TRABD2B: variants seen among roughly 807,000 people sequenced by gnomAD.
TRABD2B encodes metalloprotease TIKI2.
Under a neutral mutation model 40.1 loss-of-function variants are expected in TRABD2B, and 14 were observed. The observed-to-expected ratio is 0.35, with a 90% confidence interval of 0.23 to 0.55. The LOEUF is 0.55. TRABD2B is among the 20% of genes least tolerant of loss of function. The pLI is 0.90. For missense variants in TRABD2B, 541 were observed against 648.6 expected (o/e 0.83, Z 1.80); for synonymous variants, 263 against 277.0 (o/e 0.95, Z 0.50).
At chr1:47,887,304 G>A (rs902925182) in intron 2 of TRABD2B, among the ~76,000 whole-genome samples, 3 of 152,080 alleles carry the variant, frequency 2.0e-5, no homozygotes, top group Non-Finnish European at 2.9e-5. Context: ...TGGAGAACTG[G>A]AATTCCATAT....
chr1:47,844,967 G>A (rs1468845332), intron 2 of TRABD2B, among the ~76,000 whole-genome samples: 1 of 152,060 alleles, frequency 6.6e-6, no homozygotes, highest in Non-Finnish European at 1.5e-5. Context: ...CCTCCCCCAG[G>A]GCAGGAGATC....
chr1:47,802,197 T>C (rs1320325203), intron 2 of TRABD2B, among the ~76,000 whole-genome samples: 1 of 152,228 alleles, frequency 6.6e-6, no homozygotes, highest in Non-Finnish European at 1.5e-5. Context: ...ACCGTGCCTG[T>C]GCCCAGCCAG....
chr1:47,940,807 C>A (rs1032397040), intron 2 of TRABD2B, among the ~76,000 whole-genome samples: 4 of 152,238 alleles, frequency 2.6e-5, no homozygotes, highest in African/African-American at 9.6e-5. Flanking sequence ...GAAATAAAGG[C>A]AGCAGTGTGG....
chr1:47,884,662 G>A (rs952931645), intron 2 of TRABD2B, among the ~76,000 whole-genome samples: 2 of 152,038 alleles, frequency 1.3e-5, no homozygotes, highest in African/African-American at 4.8e-5. Context: ...CGCCCAGGCT[G>A]GAGTGCAGTG....
intron 2 of TRABD2B, among the ~76,000 whole-genome samples, chr1:47,898,198 G>A (rs1253618215): frequency 6.6e-6 from 1 of 152,184 alleles, no homozygotes; most frequent in Non-Finnish European, 1.5e-5. Flanking sequence ...TCAAGCAGGG[G>A]CTACGAAGGC....
intron 2 of TRABD2B, among the ~76,000 whole-genome samples, chr1:47,929,187 C>T (rs955505955): frequency 6.6e-6 from 1 of 152,188 alleles, no homozygotes; most frequent in Non-Finnish European, 1.5e-5. Context: ...AAGCAAGGCA[C>T]CTGGAGCACA....
intron 2 of TRABD2B, among the ~76,000 whole-genome samples, chr1:47,839,130 T>C (rs1417315656): frequency 6.6e-6 from 1 of 152,112 alleles, no homozygotes; most frequent in Non-Finnish European, 1.5e-5. Context: ...GGTGAGATCA[T>C]GGATGCCAGT....
chr1:47,979,007 A>G (rs2184223), intron 2 of TRABD2B, among the ~76,000 whole-genome samples: 149,540 of 152,088 alleles, frequency 0.98, 73,540 homozygotes, highest in East Asian at 1. Context: ...GCCCCTTTGG[A>G]AATGGAGGAT....
At chr1:47,859,189 C>A (rs1300404028) in intron 2 of TRABD2B, among the ~76,000 whole-genome samples, 1 of 152,198 alleles carries the variant, frequency 6.6e-6, no homozygotes, top group African/African-American at 2.4e-5. Context: ...AGCTTTGCAG[C>A]CCTGACCCTT....
intron 2 of TRABD2B, among the ~76,000 whole-genome samples, chr1:47,953,036 A>T (rs961321935): frequency 6.6e-6 from 1 of 152,028 alleles, no homozygotes; most frequent in African/African-American, 2.4e-5. Flanking sequence ...CCATGGGGCA[A>T]CTCAGCAATC....
chr1:47,984,584 A>C (rs1170236908), intron 2 of TRABD2B, among the ~76,000 whole-genome samples: 1 of 152,210 alleles, frequency 6.6e-6, no homozygotes, highest in Non-Finnish European at 1.5e-5. Flanking sequence ...GTAGCAGTCC[A>C]TGCAGAGAGC....
chr1:47,927,026 C>T (rs533436330), intron 2 of TRABD2B, among the ~76,000 whole-genome samples: 2 of 152,272 alleles, frequency 1.3e-5, no homozygotes, highest in African/African-American at 2.4e-5. Context: ...GATTGTATGA[C>T]GCAGGCCAAG....
intron 2 of TRABD2B, among the ~76,000 whole-genome samples, chr1:47,879,060 A>G (rs1216471105): frequency 6.6e-6 from 1 of 151,538 alleles, no homozygotes; most frequent in Non-Finnish European, 1.5e-5. Context: ...AGCTGTGCTT[A>G]TGCCACCACA....
chr1:47,845,494 C>T (rs757034764), intron 2 of TRABD2B, among the ~76,000 whole-genome samples: 5 of 152,134 alleles, frequency 3.3e-5, no homozygotes, highest in Non-Finnish European at 4.4e-5. Flanking sequence ...GAGACTGAGG[C>T]ACAGAGAGGT....
intron 4 of TRABD2B, among the ~76,000 whole-genome samples, chr1:47,785,638 C>T (rs1040794628): frequency 4.6e-5 from 7 of 152,204 alleles, no homozygotes; most frequent in African/African-American, 1.4e-4. Flanking sequence ...AGGCATGGCA[C>T]GGGGTGCATC....
Position 47,763,824 on chromosome 1 carries a change from C to T in TRABD2B, c.*2078G>A, listed in dbSNP as rs1569856749. 6.6e-6 allele frequency: 1 copy of T among 152,372 alleles called. No homozygotes were observed. The highest frequency in any genetic ancestry group is 1.9e-4 in the East Asian group (1 of 5,192). The allele number at this position is 152,372 out of a possible 1,614,324, so 9.4% of individuals were successfully genotyped here. On this transcript the variant is annotated 3_prime_UTR_variant, in exon 7 of 7. Coordinates refer to ENST00000606738, the MANE Select transcript of TRABD2B (RefSeq NM_001194986.2). ...GTGCACTGCACGATCCGTTTGATGT[C>T]CAACTTCTGAGCCTGCTTTATAAGT...
intron 4 of TRABD2B, among the ~76,000 whole-genome samples, chr1:47,789,565 T>C (rs987699744): frequency 4.6e-5 from 7 of 152,206 alleles, no homozygotes; most frequent in Non-Finnish European, 8.8e-5. Flanking sequence ...ATTTCTCTTA[T>C]GTCAAATAGT....
chr1:47,805,691 C>A lies in TRABD2B; in HGVS notation c.667-4072G>T, dbSNP rs1209643039. ...TTGCAATTTATAAAGAAGTCTTCAT[C>A]CATTCATTACCAGGATTACGATGTT... On this transcript the variant is annotated intron_variant, in intron 2 of 6. Transcript: ENST00000606738. 1.4e-4 allele frequency among the ~76,000 whole-genome samples: 22 copies of A among 152,168 alleles called. 2 individuals are homozygous for A. Among genetic ancestry groups the A allele is most frequent in the Admixed American group, 1.4e-3 (22 of 15,280 alleles).
At chr1:47,862,017 TA>T (rs986864964) in intron 2 of TRABD2B, among the ~76,000 whole-genome samples, 2 of 152,072 alleles carry the variant, frequency 1.3e-5, no homozygotes, top group Non-Finnish European at 2.9e-5. Flanking sequence ...AAAATACATG[TA>T]AAAAAAGTAT....
Sources: allele counts gnomAD v4.1 joint callset (sites outside exome capture counted in the v4.1 genomes callset), GRCh38; gene constraint gnomAD v4.1.1; transcripts MANE v1.5; gene names NCBI Gene and HGNC (gene_info 2026-07-23, HGNC 2026-07-21).